The following PHKA1 variants were observed in gnomAD, a reference collection of about 807,000 sequenced individuals.
PHKA1 encodes phosphorylase b kinase regulatory subunit alpha, skeletal muscle isoform.
PHKA1 carries 60 observed loss-of-function variants against 110.2 expected under a neutral mutation model. The ratio of observed to expected loss-of-function variants is 0.54; its 90% CI spans 0.44 to 0.68. PHKA1 has a LOEUF of 0.68. Ranked by LOEUF, PHKA1 falls within the 30% of genes least tolerant of loss-of-function variation. PHKA1 has a pLI of 0.00. For missense variants in PHKA1, 801 were observed against 942.5 expected (o/e 0.85, Z 1.97); for synonymous variants, 316 against 333.6 (o/e 0.95, Z 0.58).
At position 72,593,869 on chromosome X, in the gene PHKA1, T is replaced by C. The variant is rs1249681353; in HGVS notation, c.3073-595A>G. 2.7e-5 allele frequency among the ~76,000 whole-genome samples: 3 copies of C among 112,387 alleles called. No individual in the cohort carries two copies. In the East Asian group the frequency reaches 8.4e-4, roughly 32 times the overall value. ...CATTCTTAGCTGTCTCTTGACCTGA[T>C]TATCTCTGTTAAACTTCTAGCTCGT... On this transcript the variant is annotated intron_variant, in intron 28 of 31. Transcript: ENST00000373542.
chrX:72,621,913 C>A, intron 18 of PHKA1: 2 of 751,041 alleles, frequency 2.7e-6, no homozygotes, highest in Non-Finnish European at 3.1e-6. Context: ...GCCATAATGT[C>A]AAATTCAGTA....
At chrX:72,613,388 C>G (rs1556263850) in intron 21 of PHKA1, among the ~76,000 whole-genome samples, 1 of 109,391 alleles carries the variant, frequency 9.1e-6, no homozygotes, top group Non-Finnish European at 1.9e-5. Flanking sequence ...TACACACACA[C>G]ACACACACAC....
Position 72,626,953 on chromosome X carries a change from T to A in PHKA1, c.1793+18A>T. On this transcript the variant is annotated intron_variant, in intron 17 of 31. Coordinates refer to ENST00000373542, the MANE Select transcript of PHKA1 (RefSeq NM_002637.4). The stretch of plus-strand genomic sequence containing the variant: ...AATTTCATTTCATTTCACTAAAGAG[T>A]GTATAGAGGTCACTTACCTTGCCCC... 1.8e-6 allele frequency: 2 copies of A among 1,142,641 alleles called. No individual in the cohort carries two copies. Among genetic ancestry groups the A allele is most frequent in the Non-Finnish European group, 2.4e-6 (2 of 833,029 alleles). The allele number at this position is 1,142,641 out of a possible 1,213,427, so 94.2% of individuals were successfully genotyped here.
At chrX:72,666,021 T>C in intron 8 of PHKA1, 130 bp downstream of exon 8, 1 of 663,193 alleles carries the variant, frequency 1.5e-6, no homozygotes, top group Admixed American at 3.3e-5. Context: ...TAAAAGAAAC[T>C]ATAAAGACAA....
chrX:72,581,183 G>A lies in PHKA1; in HGVS notation c.3499-8C>T. ...ATCTGCGCCAAGGGTTTTCTGTTTG[G>A]TTTTTAAGGGTAGAAGAACATAGGG... On this transcript the variant is annotated splice_polypyrimidine_tract_variant and splice_region_variant and intron_variant, in intron 31 of 31. Coordinates refer to ENST00000373542, the MANE Select transcript of PHKA1 (RefSeq NM_002637.4). 1 of 1,136,140 alleles carries A rather than the reference G, an allele frequency of 8.8e-7. No homozygotes were observed. The highest frequency in any genetic ancestry group is 1.8e-5 in the African/African-American group (1 of 56,057). The allele number at this position is 1,136,140 out of a possible 1,213,427, so 93.6% of individuals were successfully genotyped here.
intron 6 of PHKA1, among the ~76,000 whole-genome samples, chrX:72,669,358 T>G (rs1046890826): frequency 1.8e-5 from 2 of 110,638 alleles, no homozygotes; most frequent in Non-Finnish European, 3.8e-5. Flanking sequence ...TTTTTTTTTG[T>G]TGTTGTTGTT....
In PHKA1 at chrX:72,667,251, T is replaced by C. The variant is rs377221956; in HGVS notation, c.717+124A>G. ...GTATGCTTGTTAAATATATTTTTGGTACATGGTAATTAATCAGATGATGCA... is the reference window on the plus strand; with the variant it reads ...GTATGCTTGTTAAATATATTTTTGGCACATGGTAATTAATCAGATGATGCA... On this transcript the variant is annotated intron_variant, in intron 7 of 31. Transcript: ENST00000373542. 313 of 538,317 alleles carry C rather than the reference T, an allele frequency of 5.8e-4. 3 individuals are homozygous for C. The South Asian group carries it at 6.5e-3, about 11-fold the overall frequency. 44.4% of individuals were successfully genotyped at this position (538,317 alleles called of 1,213,427 possible).
intron 2 of PHKA1, among the ~76,000 whole-genome samples, chrX:72,711,572 G>A (rs999885982): frequency 1.4e-4 from 15 of 111,047 alleles, no homozygotes; most frequent in African/African-American, 4.9e-4. Flanking sequence ...GTGAAACCCC[G>A]TCTCTACTAA....
intron 28 of PHKA1, among the ~76,000 whole-genome samples, chrX:72,593,964 G>T (rs967830643): frequency 9.0e-6 from 1 of 111,655 alleles, no homozygotes; most frequent in African/African-American, 3.3e-5. Flanking sequence ...GAAATCATAC[G>T]AAGTATGTTC....
chrX:72,667,772 T>C (rs1050973029), intron 6 of PHKA1, among the ~76,000 whole-genome samples: 14 of 111,528 alleles, frequency 1.3e-4, no homozygotes, highest in Non-Finnish European at 2.3e-4. Context: ...AAATGAGATA[T>C]TATGTTTTTT....
intron 23 of PHKA1, among the ~76,000 whole-genome samples, chrX:72,607,778 C>T (rs1172734859): frequency 2.7e-5 from 3 of 111,726 alleles, no homozygotes; most frequent in Non-Finnish European, 5.6e-5. Context: ...AACAACTGCT[C>T]TCAATTGGTC....
chrX:72,706,703 A>C (rs987583313), intron 2 of PHKA1, among the ~76,000 whole-genome samples: 1 of 111,578 alleles, frequency 9.0e-6, no homozygotes, highest in African/African-American at 3.3e-5. Context: ...CTATTCTGTA[A>C]GAATCCTGGG....
chrX:72,666,360 C>T, intron 7 of PHKA1, 63 bp from the exon 8 acceptor site: 1 of 919,454 alleles, frequency 1.1e-6, no homozygotes. Flanking sequence ...ACCCCAATAT[C>T]TTATCAACAC....
intron 14 of PHKA1, among the ~76,000 whole-genome samples, chrX:72,640,648 G>A (rs1328533137): frequency 7.2e-5 from 8 of 111,795 alleles, no homozygotes; most frequent in Non-Finnish European, 1.5e-4. Context: ...ACAGGCGATT[G>A]TTATCTTTTT....
intron 21 of PHKA1, among the ~76,000 whole-genome samples, chrX:72,613,247 T>TA (rs1556263453): frequency 9.0e-6 from 1 of 111,613 alleles, no homozygotes; most frequent in African/African-American, 3.3e-5. Flanking sequence ...ATCATCAAGA[T>TA]ATATAGTTTT....
chrX:72,593,894 T>C (rs1388015950), intron 28 of PHKA1, among the ~76,000 whole-genome samples: 1 of 112,294 alleles, frequency 8.9e-6, no homozygotes, highest in Non-Finnish European at 1.9e-5. Flanking sequence ...TTCTAGCTCG[T>C]CCATGGTTTA....
At chrX:72,685,997 C>T (rs1351452878) in intron 4 of PHKA1, among the ~76,000 whole-genome samples, 1 of 111,622 alleles carries the variant, frequency 9.0e-6, no homozygotes, top group Non-Finnish European at 1.9e-5. Context: ...GAACAGTGGG[C>T]ATATCTAGAG....
intron 4 of PHKA1, among the ~76,000 whole-genome samples, chrX:72,693,519 T>C (rs2054067265): frequency 9.0e-6 from 1 of 111,723 alleles, no homozygotes; most frequent in South Asian, 3.8e-4. Flanking sequence ...TCTTTTGGAG[T>C]GACACCCCTG....
intron 23 of PHKA1, among the ~76,000 whole-genome samples, chrX:72,607,754 A>G (rs2052750961): frequency 8.9e-6 from 1 of 111,840 alleles, no homozygotes; most frequent in South Asian, 3.8e-4. Flanking sequence ...TGCAGTTTTA[A>G]GAGGATCAGC....
Sources: allele counts gnomAD v4.1 joint callset (sites outside exome capture counted in the v4.1 genomes callset), GRCh38; gene constraint gnomAD v4.1.1; transcripts MANE v1.5; gene names NCBI Gene and HGNC (gene_info 2026-07-23, HGNC 2026-07-21).